Variants in CHD5 observed in about 807,000 individuals in gnomAD.
CHD5 encodes ATP-dependent chromatin remodeler CHD5.
Under a neutral mutation model 230.3 loss-of-function variants are expected in CHD5, and 69 were observed. That is an observed-to-expected ratio of 0.30 (90% CI 0.25 to 0.37). The LOEUF (loss-of-function observed/expected upper bound fraction) is 0.37, where lower values mean the gene tolerates loss of function less well. Ranked by LOEUF, CHD5 falls within the 10% of genes least tolerant of loss-of-function variation. CHD5 has a pLI of 1.00. For synonymous variants in CHD5, 1,064 were observed against 1,065.9 expected (o/e 1.00, Z 0.03); for missense variants, 1,827 against 2,622.8 (o/e 0.70, Z 6.63).
chr1:6,119,859 T>C (rs1666441152), intron 33 of CHD5, among the ~76,000 whole-genome samples: 1 of 124,976 alleles, frequency 8.0e-6, no homozygotes, highest in Non-Finnish European at 1.6e-5. Context: ...ATTATATATA[T>C]ATATATTTTT....
intron 1 of CHD5, among the ~76,000 whole-genome samples, chr1:6,175,837 G>C (rs891957897): frequency 6.6e-6 from 1 of 151,612 alleles, no homozygotes; most frequent in East Asian, 1.9e-4. Context: ...ATGCATGGAT[G>C]GATGGATGGA....
Position 6,134,884 on chromosome 1 carries a change from A to T in CHD5, c.2871-25T>A. 6.2e-7 allele frequency: 1 copy of T among 1,613,716 alleles called. No homozygotes were observed. Among genetic ancestry groups the T allele is most frequent in the South Asian group, 1.1e-5 (1 of 91,064 alleles). ...CCTGCAGCAGGGCACGAGGAAAGGCAGGCTGGGTCAGACCCGCCTCCATGA... is the reference window on the plus strand; with the variant it reads ...CCTGCAGCAGGGCACGAGGAAAGGCTGGCTGGGTCAGACCCGCCTCCATGA... On this transcript the variant is annotated intron_variant, in intron 18 of 41. Transcript: ENST00000262450. This position sits in a 1 kb window ranked among gnomAD's most constrained non-coding sequence, Gnocchi z 6.3.
chr1:6,149,132 C>T (rs1666957297), intron 8 of CHD5, 57 bp from the exon 9 acceptor site: 2 of 1,465,838 alleles, frequency 1.4e-6, no homozygotes, highest in South Asian at 2.8e-5. Context: ...CCACCAGGCC[C>T]GACTCCCTCC....
rs545116920 is a variant in CHD5 at position 6,126,309 on chromosome 1, G to A, written c.4078+263C>T. Among the ~76,000 whole-genome samples, 92 of 151,786 alleles carry A rather than the reference G, an allele frequency of 6.1e-4. No individual in the cohort carries two copies. Among genetic ancestry groups the A allele is most frequent in the South Asian group, 2.1e-3 (10 of 4,802 alleles). ...GAATCCTGCCCCACCCTCCACCTCTGGGTATGGGACACCCATCCCTCCTGG... is the reference window on the plus strand; with the variant it reads ...GAATCCTGCCCCACCCTCCACCTCTAGGTATGGGACACCCATCCCTCCTGG... On this transcript the variant is annotated intron_variant, in intron 26 of 41. Transcript: ENST00000262450. This position sits in a 1 kb window ranked among gnomAD's most constrained non-coding sequence, Gnocchi z 5.7.
chr1:6,110,071 C>A, intron 37 of CHD5, 81 bp from the exon 38 acceptor site: 1 of 1,283,616 alleles, frequency 7.8e-7, no homozygotes, highest in Non-Finnish European at 1.0e-6. Context: ...CACCCCAGGC[C>A]AAGGCTCCCG....
At chr1:6,124,860 C>A (rs2273038) in intron 29 of CHD5, among the ~76,000 whole-genome samples, 199 bp from the exon 30 acceptor site, 2 of 152,136 alleles carry the variant, frequency 1.3e-5, no homozygotes, top group Non-Finnish European at 2.9e-5. Context: ...CCTGGGTGAC[C>A]GGGATCTTCC....
At position 6,128,527 on chromosome 1, in the gene CHD5, T is replaced by C; in HGVS notation, c.3702A>G (p.Ala1234=). 6.2e-7 allele frequency: 1 copy of C among 1,614,162 alleles called. No homozygotes were observed. The highest frequency in any genetic ancestry group is 8.5e-7 in the Non-Finnish European group (1 of 1,179,990). ...SSKGGNLAAS[A]KKKHGSTPPG... ...GCGGGGTGCTACCGTGCTTCTTCTT[T>C]GCACTGGCGGCCAAGTTCCCCCCTT... The change falls in exon 24 of 42, where the codon GCA becomes GCG. Residue 1234 remains alanine, a synonymous_variant. Coordinates refer to ENST00000262450, the MANE Select transcript of CHD5 (RefSeq NM_015557.3). This position sits in a 1 kb window ranked among gnomAD's most constrained non-coding sequence, Gnocchi z 7.8.
chr1:6,167,213 G>A lies in CHD5; in HGVS notation c.207+937C>T, dbSNP rs1466873643. Among the ~76,000 whole-genome samples the A allele has an allele frequency of 6.6e-6, 1 of 151,918 alleles. No individual in the cohort carries two copies. The highest frequency in any genetic ancestry group is 1.5e-5 in the Non-Finnish European group (1 of 68,044). ...GGTCCCCCCGGGGCAGGTGGGAGGG[G>A]AGAAACACTCCTGGCAGCGGTGGCT... is the stretch of plus-strand genomic sequence containing the variant. On this transcript the variant is annotated intron_variant, in intron 2 of 41. Coordinates refer to ENST00000262450, the MANE Select transcript of CHD5 (RefSeq NM_015557.3). This position sits in a 1 kb window ranked among gnomAD's most constrained non-coding sequence, Gnocchi z 4.5.
At position 6,111,873 on chromosome 1, in the gene CHD5, C is replaced by A. The variant is rs770976829; in HGVS notation, c.5151G>T (p.Thr1717=). The change falls in exon 36 of 42, where the codon ACG becomes ACT. Residue 1717 remains threonine, a synonymous_variant. Coordinates refer to ENST00000262450, the MANE Select transcript of CHD5 (RefSeq NM_015557.3). ...CAGCCCGCTCCTCGTTCTGCCACAG[C>A]GTGTGCAACTCTGGGAAACAAGCCA... ...IADGGFTELH[T]LWQNEERAAV... 1.2e-6 allele frequency: 2 copies of A among 1,613,138 alleles called. No homozygotes were observed. Among genetic ancestry groups the A allele is most frequent in the Middle Eastern group, 1.6e-4 (1 of 6,062 alleles).
Position 6,109,990 on chromosome 1 carries a change from G to C in CHD5, c.5383C>G (p.Leu1795Val). ...KNKFLARRFK[L>V]LEQALVIEEQ... ...TCAATGACCAACGCCTGCTCCAGCAGCTGGGGGCGGGGCGCAGCGTCGGCC... is the reference window on the plus strand; with the variant it reads ...TCAATGACCAACGCCTGCTCCAGCACCTGGGGGCGGGGCGCAGCGTCGGCC... Residue 1795 changes from leucine (L) to valine (V), a missense_variant and splice_region_variant, in exon 38 of 42, where the codon CTG (leucine) becomes GTG (valine). Leu to Val is a conservative substitution (Grantham distance 32). This residue lies in a region of CHD5 where 208 missense variants were observed against 302.0 expected (regional missense o/e 0.69). Transcript: ENST00000262450. 6.5e-7 allele frequency: 1 copy of C among 1,533,258 alleles called. No homozygotes were observed. The highest frequency in any genetic ancestry group is 8.7e-7 in the Non-Finnish European group (1 of 1,142,904). The allele number at this position is 1,533,258 out of a possible 1,614,324, so 95.0% of individuals were successfully genotyped here.
chr1:6,122,818 C>T (rs1666492023), intron 31 of CHD5, among the ~76,000 whole-genome samples: 1 of 152,098 alleles, frequency 6.6e-6, no homozygotes, highest in Non-Finnish European at 1.5e-5. Context: ...GCCTATAATC[C>T]CAGCACGTTG....
intron 1 of CHD5, among the ~76,000 whole-genome samples, chr1:6,179,356 G>A (rs1667475710): frequency 6.6e-6 from 1 of 152,104 alleles, no homozygotes; most frequent in Non-Finnish European, 1.5e-5. Flanking sequence ...CAGGAAAGAG[G>A]AGCAGGGGTC....
intron 41 of CHD5, 66 bp downstream of exon 41, chr1:6,106,168 T>C (rs772924611): frequency 2.9e-5 from 42 of 1,435,738 alleles, no homozygotes; most frequent in Non-Finnish European, 3.9e-5. Context: ...CAGGGCTGAC[T>C]GTGGCCAGGC....
In CHD5 at chr1:6,154,972, C is replaced by T; in HGVS notation, c.507-74G>A. 1 of 1,345,328 alleles carries T rather than the reference C, an allele frequency of 7.4e-7. No homozygotes were observed. The highest frequency in any genetic ancestry group is 1.0e-6 in the Non-Finnish European group (1 of 961,650). 83.3% of individuals were successfully genotyped at this position (1,345,328 alleles called of 1,614,324 possible). A position where few individuals can be genotyped will look rare whatever the true frequency, so the allele number is the denominator to read the frequency against. The stretch of plus-strand genomic sequence containing the variant: ...AGGCCCACCCGACCCCCGGCAGGGC[C>T]CACCCCTCTGCCACATGTGCGATCT... On this transcript the variant is annotated intron_variant, in intron 4 of 41. Coordinates refer to ENST00000262450, the MANE Select transcript of CHD5 (RefSeq NM_015557.3). This position sits in a 1 kb window ranked among gnomAD's most constrained non-coding sequence, Gnocchi z 7.0.
At chr1:6,179,038 C>T (rs1482221308) in intron 1 of CHD5, among the ~76,000 whole-genome samples, 2 of 152,262 alleles carry the variant, frequency 1.3e-5, no homozygotes, top group East Asian at 1.9e-4. Flanking sequence ...CCCTACCCAG[C>T]TGTGCCAGGA....
At position 6,128,525 on chromosome 1, in the gene CHD5, T is replaced by G. The variant is rs754610815; in HGVS notation, c.3704A>C (p.Lys1235Thr). ...SKGGNLAASA[K>T]KKHGSTPPGD... ...TGGCGGGGTGCTACCGTGCTTCTTC[T>G]TTGCACTGGCGGCCAAGTTCCCCCC... is the stretch of plus-strand genomic sequence containing the variant. Residue 1235 changes from lysine to threonine, a missense_variant, in exon 24 of 42, where the codon AAG becomes ACG. Around this residue, in one of 14 missense-constraint regions of CHD5, gnomAD observed 137 missense variants for 272.7 expected, o/e 0.50. Transcript: ENST00000262450. This position sits in a 1 kb window ranked among gnomAD's most constrained non-coding sequence, Gnocchi z 7.8. 6.2e-7 allele frequency: 1 copy of G among 1,614,106 alleles called. No individual in the cohort carries two copies.
At position 6,154,372 on chromosome 1, in the gene CHD5, C is replaced by T. The variant is rs899044488; in HGVS notation, c.745+288G>A. On this transcript the variant is annotated intron_variant, in intron 5 of 41. Transcript: ENST00000262450. The surrounding 1 kb of genome is among the most constrained non-coding windows in gnomAD (Gnocchi z 7.0). ...TCCCGCCCTCCCTCCAGGCCCACGT[C>T]GGGGGCACCTCCTGGCTGGCCAGGC... Among the ~76,000 whole-genome samples the T allele has an allele frequency of 3.3e-5, 5 of 152,146 alleles. No individual in the cohort carries two copies. Among genetic ancestry groups the T allele is most frequent in the Non-Finnish European group, 4.4e-5 (3 of 68,022 alleles).
chr1:6,106,505 G>A lies in CHD5; in HGVS notation c.5747C>T (p.Ala1916Val), dbSNP rs1336616863. Reference sequence around the variant, plus strand: ...GCTGTACATCTGGGAGGAGCCGAAAGCGCCCTGGAGGCAAGGACTCAGCTT... The same window carrying A: ...GCTGTACATCTGGGAGGAGCCGAAAACGCCCTGGAGGCAAGGACTCAGCTT... ...RAGDPTIQQG[A>V]FGSSQMYSNN... Residue 1916 changes from alanine to valine, a missense_variant, in exon 40 of 42, where the codon GCT becomes GTT. This residue lies in a region of CHD5 where 208 missense variants were observed against 302.0 expected (regional missense o/e 0.69). Transcript: ENST00000262450. 1.9e-6 allele frequency: 3 copies of A among 1,551,744 alleles called. No homozygotes were observed. Among genetic ancestry groups the A allele is most frequent in the South Asian group, 1.2e-5 (1 of 84,420 alleles).
At position 6,130,109 on chromosome 1, in the gene CHD5, G is replaced by A. The variant is rs779494126; in HGVS notation, c.3387+95C>T. The A allele has an allele frequency of 1.9e-5, 27 of 1,424,204 alleles. No homozygotes were observed. Among genetic ancestry groups the A allele is most frequent in the Non-Finnish European group, 2.4e-5 (25 of 1,025,758 alleles). The allele number at this position is 1,424,204 out of a possible 1,614,324, so 88.2% of individuals were successfully genotyped here. ...AGGCCCACAGCACCAGGATAGGTGA[G>A]GGGGTGATGGCAAGAAGGGCATGAA... is the stretch of plus-strand genomic sequence containing the variant. On this transcript the variant is annotated intron_variant, in intron 22 of 41. Coordinates refer to ENST00000262450, the MANE Select transcript of CHD5 (RefSeq NM_015557.3). This position sits in a 1 kb window ranked among gnomAD's most constrained non-coding sequence, Gnocchi z 4.9.
Sources: gnomAD v4.1 joint callset for allele counts (sites outside exome capture counted in the v4.1 genomes callset) on GRCh38, gnomAD v4.1.1 for gene constraint, gnomAD v4.1.1 regional missense constraint, Gnocchi (gnomAD v3.1) non-coding constraint, MANE v1.5 for transcripts, NCBI Gene and HGNC (gene_info 2026-07-23, HGNC 2026-07-21) for gene names.